EPHA6: variants seen among roughly 807,000 people sequenced by gnomAD.
The protein encoded by EPHA6 is EPH receptor A6, also known as ephrin type-A receptor 6.
A neutral mutation model predicts 112.0 loss-of-function variants in EPHA6; 50 were observed. The observed-to-expected ratio is 0.45, with a 90% CI of 0.36 to 0.56. The LOEUF (loss-of-function observed/expected upper bound fraction) is 0.56, where lower values mean the gene tolerates loss of function less well. EPHA6 is among the 20% of genes least tolerant of loss of function. The pLI is 0.00. For missense variants in EPHA6, 1,280 were observed against 1,417.4 expected, an observed-to-expected ratio of 0.90 and a Z score of 1.56; for synonymous variants, 529 against 490.7, an observed-to-expected ratio of 1.08 and a Z score of -1.03.
chr3:97,198,683 A>G (rs1162485910), intron 3 of EPHA6, among the ~76,000 whole-genome samples: 1 of 152,152 alleles, frequency 6.6e-6, no homozygotes, highest in East Asian at 1.9e-4. Flanking sequence ...AAGGTAACAT[A>G]ATAAAAATTA....
chr3:97,545,680 T>C (rs1177952239), intron 11 of EPHA6, among the ~76,000 whole-genome samples: 1 of 152,154 alleles, frequency 6.6e-6, no homozygotes, highest in Non-Finnish European at 1.5e-5. Context: ...AAGTCTCTCA[T>C]TATTATTGTG....
intron 3 of EPHA6, among the ~76,000 whole-genome samples, chr3:97,016,876 G>A (rs545568002): frequency 6.6e-6 from 1 of 152,272 alleles, no homozygotes; most frequent in East Asian, 1.9e-4. Flanking sequence ...GTAACTGGAT[G>A]TATCAGTACT....
intron 11 of EPHA6, among the ~76,000 whole-genome samples, chr3:97,550,095 G>T (rs2093009363): frequency 6.6e-6 from 1 of 152,174 alleles, no homozygotes; most frequent in South Asian, 2.1e-4. Context: ...TACCAGAAAG[G>T]ACTTTCATCT....
At chr3:97,713,444 T>G (rs2034069545) in intron 14 of EPHA6, among the ~76,000 whole-genome samples, 1 of 152,208 alleles carries the variant, frequency 6.6e-6, no homozygotes, top group African/African-American at 2.4e-5. Context: ...TAGTTTCATA[T>G]GTTTGTTACC....
intron 13 of EPHA6, among the ~76,000 whole-genome samples, chr3:97,613,011 A>G (rs1011429058): frequency 6.6e-6 from 1 of 151,922 alleles, no homozygotes; most frequent in Non-Finnish European, 1.5e-5. Context: ...CCATCTCCTC[A>G]TGGTGTGTGT....
At chr3:97,334,954 G>A (rs1227701490) in intron 5 of EPHA6, among the ~76,000 whole-genome samples, 14 of 151,912 alleles carry the variant, frequency 9.2e-5, no homozygotes, top group Middle Eastern at 3.4e-3. Context: ...TTTGTTTTAC[G>A]GCCTGTTATA....
At chr3:97,467,862 G>T (rs904691434) in intron 7 of EPHA6, among the ~76,000 whole-genome samples, 1 of 151,580 alleles carries the variant, frequency 6.6e-6, no homozygotes, top group African/African-American at 2.4e-5. Flanking sequence ...ATGAACACAA[G>T]AATCTCTTAA....
intron 14 of EPHA6, among the ~76,000 whole-genome samples, chr3:97,689,669 T>C (rs917121658): frequency 6.6e-6 from 1 of 152,208 alleles, no homozygotes; most frequent in Non-Finnish European, 1.5e-5. Context: ...GAAATGTCGA[T>C]CATTTAAAGT....
chr3:97,132,939 C>T (rs1166414922), intron 3 of EPHA6, among the ~76,000 whole-genome samples: 3 of 152,044 alleles, frequency 2.0e-5, no homozygotes, highest in African/African-American at 7.2e-5. Flanking sequence ...GGATATTGAA[C>T]TCTAGCCACT....
At chr3:97,600,840 AGCTC>A (rs2093637575) in intron 12 of EPHA6, among the ~76,000 whole-genome samples, 2 of 152,172 alleles carry the variant, frequency 1.3e-5, no homozygotes, top group South Asian at 2.1e-4. Context: ...TTTGATATCA[AGCTC>A]TTGAGCATTA....
chr3:97,715,900 T>G (rs560805977), intron 14 of EPHA6, among the ~76,000 whole-genome samples: 1 of 152,234 alleles, frequency 6.6e-6, no homozygotes, highest in Non-Finnish European at 1.5e-5. Context: ...AACATTTTAG[T>G]ACCCCTCCAG....
chr3:96,984,711 C>T (rs368585747), intron 2 of EPHA6, among the ~76,000 whole-genome samples: 5 of 152,218 alleles, frequency 3.3e-5, no homozygotes, highest in South Asian at 2.1e-4. Context: ...CCAGTTCCAG[C>T]TTCCCCACTG....
chr3:96,815,407 G>A (rs72931327), intron 1 of EPHA6, among the ~76,000 whole-genome samples: 2,003 of 152,166 alleles, frequency 0.013, 49 homozygotes, highest in African/African-American at 0.044. Context: ...ATGCCTTCTT[G>A]AAAGGCAGGG....
At chr3:97,082,972 G>A (rs1417889208) in intron 3 of EPHA6, among the ~76,000 whole-genome samples, 1 of 151,638 alleles carries the variant, frequency 6.6e-6, no homozygotes, top group African/African-American at 2.4e-5. Flanking sequence ...ATTAGAAAAT[G>A]CTTTGGCTTT....
chr3:97,357,555 G>A (rs2108918811), intron 5 of EPHA6, among the ~76,000 whole-genome samples: 2 of 152,170 alleles, frequency 1.3e-5, no homozygotes, highest in South Asian at 4.2e-4. Context: ...TCTTTTTATT[G>A]GAGAATTGAA....
At chr3:96,933,877 G>T (rs758247475) in intron 2 of EPHA6, among the ~76,000 whole-genome samples, 15 of 151,974 alleles carry the variant, frequency 9.9e-5, no homozygotes, top group Non-Finnish European at 2.1e-4. Flanking sequence ...TTATCCTGTT[G>T]TGTAACAGGA....
intron 16 of EPHA6, among the ~76,000 whole-genome samples, chr3:97,738,039 G>A (rs1052499624): frequency 2.0e-4 from 31 of 152,040 alleles, no homozygotes; most frequent in African/African-American, 7.5e-4. Context: ...TCAGCAAGCA[G>A]ACATTCAGGT....
intron 11 of EPHA6, among the ~76,000 whole-genome samples, chr3:97,565,265 A>G (rs77244884): frequency 6.3e-4 from 94 of 149,172 alleles, no homozygotes; most frequent in Admixed American, 5.2e-3. Context: ...TAGCCCCAAG[A>G]AAAAAAAAAG....
chr3:97,396,365 C>A (rs1445737549), intron 5 of EPHA6, among the ~76,000 whole-genome samples: 3 of 148,546 alleles, frequency 2.0e-5, no homozygotes, highest in African/African-American at 5.0e-5. Flanking sequence ...TTATTTAATA[C>A]AGTTTTAGAA....
Sources: allele counts gnomAD v4.1 joint callset (sites outside exome capture counted in the v4.1 genomes callset), GRCh38; gene constraint gnomAD v4.1.1; transcripts MANE v1.5; gene names NCBI Gene and HGNC (gene_info 2026-07-23, HGNC 2026-07-21).